The following TLK2 variants were observed in gnomAD, a reference collection of about 807,000 sequenced individuals.
TLK2 encodes tousled like kinase 2.
In TLK2, 6 loss-of-function variants were observed where a neutral mutation model predicts 117.3. The ratio of observed to expected loss-of-function variants is 0.05; its 90% confidence interval spans 0.03 to 0.10. The LOEUF (loss-of-function observed/expected upper bound fraction) is 0.10. Among genes scored for constraint, TLK2 ranks in the 10% least tolerant of loss-of-function variants. TLK2 has a pLI of 1.00. For missense variants in TLK2, 299 were observed against 901.2 expected, an observed-to-expected ratio of 0.33 and a Z score of 8.56; for synonymous variants, 257 against 316.7, an observed-to-expected ratio of 0.81 and a Z score of 2.00.
At chr17:62,528,595 T>C (rs1190179581) in intron 6 of TLK2, among the ~76,000 whole-genome samples, 1 of 152,080 alleles carries the variant, frequency 6.6e-6, no homozygotes, top group Non-Finnish European at 1.5e-5. Context: ...TTTTGTGTTT[T>C]TAGTAGACAC....
chr17:62,519,572 G>A lies in TLK2; in HGVS notation c.82-1201G>A, dbSNP rs182529710. Among the ~76,000 whole-genome samples the A allele has an allele frequency of 4.3e-4, 65 of 152,222 alleles. No homozygotes were observed. The East Asian group carries it at 8.9e-3, about 21-fold the overall frequency. Reference sequence around the variant, plus strand: ...CTCACGTCTTTAATCTCAGCACTTCGGGAGGCGGAGGCGGGTGGATCACCT... The same window carrying A: ...CTCACGTCTTTAATCTCAGCACTTCAGGAGGCGGAGGCGGGTGGATCACCT... On this transcript the variant is annotated intron_variant, in intron 2 of 21. Transcript: ENST00000346027.
intron 6 of TLK2, among the ~76,000 whole-genome samples, chr17:62,527,889 C>T (rs1245045044): frequency 4.6e-5 from 7 of 151,708 alleles, no homozygotes; most frequent in South Asian, 2.1e-4. Flanking sequence ...ACTACAGACA[C>T]GCGCCACCAC....
At chr17:62,545,731 A>G (rs2146028258) in intron 7 of TLK2, among the ~76,000 whole-genome samples, 1 of 152,236 alleles carries the variant, frequency 6.6e-6, no homozygotes, top group African/African-American at 2.4e-5. Flanking sequence ...ACAGGGTCTC[A>G]TTTTGTCACC....
intron 2 of TLK2, among the ~76,000 whole-genome samples, chr17:62,492,608 C>T (rs2073217174): frequency 6.6e-6 from 1 of 151,984 alleles, no homozygotes; most frequent in African/African-American, 2.4e-5. Flanking sequence ...CAGGGACCTG[C>T]CACCTCGCCG....
Position 62,532,509 on chromosome 17 carries a change from A to G in TLK2, c.364-3661A>G, listed in dbSNP as rs528431328. On this transcript the variant is annotated intron_variant, in intron 6 of 21. Transcript: ENST00000346027. ...CTAATTTCTTTGTCAGGATCATTTT[A>G]CTTTTATTTTTTTTGACATGAAAAC... 6.1e-4 allele frequency among the ~76,000 whole-genome samples: 93 copies of G among 152,276 alleles called. 1 individual carries two copies. Among genetic ancestry groups the G allele is most frequent in the Non-Finnish European group, 1.0e-3 (68 of 68,010 alleles).
At chr17:62,548,676 A>C (rs566186743) in intron 7 of TLK2, among the ~76,000 whole-genome samples, 1 of 152,324 alleles carries the variant, frequency 6.6e-6, no homozygotes, top group South Asian at 2.1e-4. Context: ...AAGCATATTT[A>C]AACCAATATA....
intron 7 of TLK2, chr17:62,551,633 A>ACG (rs1437280449): frequency 6.6e-5 from 10 of 152,046 alleles, no homozygotes; most frequent in Non-Finnish European, 1.2e-4. Context: ...TGAACCCGGG[A>ACG]GGCAGAGCTT....
At chr17:62,528,975 C>A (rs962117239) in intron 6 of TLK2, among the ~76,000 whole-genome samples, 3 of 152,144 alleles carry the variant, frequency 2.0e-5, no homozygotes, top group Non-Finnish European at 4.4e-5. Flanking sequence ...TTGTGGTAAT[C>A]ATTTTTGTTT....
chr17:62,544,148 G>T (rs1294183019), intron 7 of TLK2, among the ~76,000 whole-genome samples: 8 of 152,122 alleles, frequency 5.3e-5, no homozygotes, highest in African/African-American at 1.9e-4. Context: ...ACAGCAAGAG[G>T]TTTATTTATG....
chr17:62,552,490 CTG>C, intron 8 of TLK2, 93 bp downstream of exon 8: 1 of 1,574,008 alleles, frequency 6.4e-7, no homozygotes, highest in East Asian at 2.3e-5. Context: ...TCTGACTTCT[CTG>C]TATTTCTCTG....
intron 19 of TLK2, among the ~76,000 whole-genome samples, chr17:62,605,012 T>C (rs1011133926): frequency 9.2e-5 from 14 of 151,992 alleles, no homozygotes; most frequent in African/African-American, 3.4e-4. Flanking sequence ...TCCAAGATCA[T>C]ATTTAAGTTA....
intron 9 of TLK2, among the ~76,000 whole-genome samples, chr17:62,557,038 C>G (rs1475453972): frequency 6.6e-6 from 1 of 152,236 alleles, no homozygotes; most frequent in Non-Finnish European, 1.5e-5. Flanking sequence ...AGTCCTCTCA[C>G]TTCAGCCTCC....
intron 2 of TLK2, among the ~76,000 whole-genome samples, chr17:62,514,965 T>C (rs1482282695): frequency 6.6e-6 from 1 of 152,232 alleles, no homozygotes; most frequent in East Asian, 1.9e-4. Flanking sequence ...TGCATCCAAT[T>C]TCCAGAACTT....
In TLK2 at chr17:62,612,698, T is replaced by C. The variant is rs1341871053; in HGVS notation, c.*133T>C. 1.0e-6 allele frequency: 1 copy of C among 989,126 alleles called. No individual in the cohort carries two copies. The highest frequency in any genetic ancestry group is 2.8e-5 in the East Asian group (1 of 35,486). The allele number at this position is 989,126 out of a possible 1,614,324, so 61.3% of individuals were successfully genotyped here. A position where few individuals can be genotyped will look rare whatever the true frequency, so the allele number is the denominator to read the frequency against. ...CCAGGTGCTTTTATTTTCTTGCTTT[T>C]TTCCCATCCATAGAGCATGACAGCA... is the stretch of plus-strand genomic sequence containing the variant. On this transcript the variant is annotated 3_prime_UTR_variant, in exon 22 of 22. Transcript: ENST00000346027.
rs145497601 is a variant in TLK2, at chr17:62,528,709, G to A, written c.363+4378G>A. Among the ~76,000 whole-genome samples the A allele has an allele frequency of 9.9e-5, 15 of 152,256 alleles. 1 individual carries two copies. In the East Asian group the frequency reaches 2.5e-3, roughly 25 times the overall value. On this transcript the variant is annotated intron_variant, in intron 6 of 21. Transcript: ENST00000346027. ...TGGAATTACAGGCGTGAGCAACTGC[G>A]CCTGGCAAGCTCGGAATGATTTTTA...
chr17:62,570,226 A>G (rs1002444051), intron 11 of TLK2, among the ~76,000 whole-genome samples: 4 of 152,292 alleles, frequency 2.6e-5, no homozygotes, highest in Middle Eastern at 3.4e-3. Context: ...CACAACCCAT[A>G]ATGGTGCAGA....
Position 62,595,560 on chromosome 17 carries a change from CT to C in TLK2, c.1461-1010del, listed in dbSNP as rs567198832. Among the ~76,000 whole-genome samples the C allele has an allele frequency of 5.8e-3, 811 of 139,360 alleles. 8 individuals carry two copies. Among genetic ancestry groups the C allele is most frequent in the African/African-American group, 0.017 (641 of 38,096 alleles). The allele number at this position is 139,360 out of a possible 152,430, so 91.4% of individuals were successfully genotyped here. On this transcript the variant is annotated intron_variant, in intron 16 of 21. Transcript: ENST00000346027. ...ATAGGAATTTTTCACCTCTGTTGTA[CT>C]TTTTTTTTTTTTTTCTTCCTCAGTT...
chr17:62,515,021 C>G (rs887051537), intron 2 of TLK2, among the ~76,000 whole-genome samples: 1 of 152,226 alleles, frequency 6.6e-6, no homozygotes, highest in African/African-American at 2.4e-5. Context: ...TAAACAACTC[C>G]TCATCTCTAC....
At chr17:62,514,479 A>G (rs1043234310) in intron 2 of TLK2, among the ~76,000 whole-genome samples, 1 of 151,854 alleles carries the variant, frequency 6.6e-6, no homozygotes, top group Non-Finnish European at 1.5e-5. Flanking sequence ...GGATAAACTC[A>G]ATAGTCATTC....
Sources: gnomAD v4.1 joint callset for allele counts (sites outside exome capture counted in the v4.1 genomes callset) on GRCh38, gnomAD v4.1.1 for gene constraint, MANE v1.5 for transcripts, NCBI Gene and HGNC (gene_info 2026-07-23, HGNC 2026-07-21) for gene names.